TCF12: variants seen among roughly 807,000 people sequenced by gnomAD.
TCF12 encodes the protein transcription factor 12.
TCF12 carries 45 observed loss-of-function variants against 86.0 expected under a neutral mutation model. The ratio of observed to expected loss-of-function variants is 0.52; its 90% CI spans 0.41 to 0.67. TCF12 has a LOEUF of 0.67. TCF12 is among the 30% of genes least tolerant of loss of function. The pLI is 0.00. For missense variants in TCF12, 881 were observed against 859.9 expected, an observed-to-expected ratio of 1.02 and a Z score of -0.31; for synonymous variants, 330 against 299.6, an observed-to-expected ratio of 1.10 and a Z score of -1.05.
chr15:57,150,613 T>C (rs73415456), intron 5 of TCF12, among the ~76,000 whole-genome samples: 7,818 of 152,036 alleles, frequency 0.051, 363 homozygotes, highest in African/African-American at 0.13. Context: ...ACTTAAAAAT[T>C]ACTAGCATGA....
chr15:57,163,942 G>A (rs1412164201), intron 5 of TCF12, among the ~76,000 whole-genome samples: 2 of 152,002 alleles, frequency 1.3e-5, no homozygotes, highest in East Asian at 1.9e-4. Flanking sequence ...TGGCAGGTCC[G>A]GTTTCTAAAT....
intron 5 of TCF12, among the ~76,000 whole-genome samples, chr15:57,145,310 G>A (rs1399245905): frequency 6.6e-6 from 1 of 152,100 alleles, no homozygotes; most frequent in Admixed American, 6.5e-5. Context: ...CTGAATCTTA[G>A]CAGTGTGCTC....
At position 56,982,720 on chromosome 15, in the gene TCF12, TCTCTCCTAGTGATTTAAATTGGTTTAA is replaced by T. The variant is rs745915773; in HGVS notation, c.148+61623_148+61649del. Among the ~76,000 whole-genome samples the T allele has an allele frequency of 5.9e-5, 9 of 152,222 alleles. 1 individual carries two copies. The highest frequency in any genetic ancestry group is 1.0e-4 in the Non-Finnish European group (7 of 68,020). ...GTAGAAAATAGATTAAATAGAATCTTCTCTCCTAGTGATTTAAATTGGTTTAATTAAAAACAAATTCTATATCTGCAA... is the reference window on the plus strand; with the variant it reads ...GTAGAAAATAGATTAAATAGAATCTTTTAAAAACAAATTCTATATCTGCAA... On this transcript the variant is annotated intron_variant, in intron 3 of 20. Coordinates refer to ENST00000333725, the MANE Select transcript of TCF12 (RefSeq NM_207037.2).
Position 57,078,366 on chromosome 15 carries a change from A to C in TCF12, c.223-13423A>C, listed in dbSNP as rs536673289. Among the ~76,000 whole-genome samples the C allele has an allele frequency of 4.6e-4, 70 of 152,306 alleles. 1 individual carries two copies. In the South Asian group the frequency reaches 0.014, roughly 31 times the overall value. ...TGTCCCCTAGACTACTAGGGAGTCC[A>C]ATGGTACTAATCAAACCTTGGAAGC... On this transcript the variant is annotated intron_variant, in intron 4 of 20. Coordinates refer to ENST00000333725, the MANE Select transcript of TCF12 (RefSeq NM_207037.2).
chr15:56,998,630 A>G (rs2063843923), intron 3 of TCF12, among the ~76,000 whole-genome samples: 1 of 152,136 alleles, frequency 6.6e-6, no homozygotes, highest in Non-Finnish European at 1.5e-5. Context: ...AATAGATAGA[A>G]CTAGTAGACA....
intron 3 of TCF12, among the ~76,000 whole-genome samples, chr15:56,989,199 G>A (rs1395445395): frequency 6.6e-6 from 1 of 151,984 alleles, no homozygotes; most frequent in African/African-American, 2.4e-5. Flanking sequence ...TTTAACATTA[G>A]AAAAAATATT....
At chr15:56,944,322 T>G (rs2060903506) in intron 3 of TCF12, among the ~76,000 whole-genome samples, 1 of 152,202 alleles carries the variant, frequency 6.6e-6, no homozygotes, top group African/African-American at 2.4e-5. Context: ...CAGAATTAAG[T>G]GATTGAGACT....
chr15:57,193,932 A>T (rs1056160511), intron 7 of TCF12, among the ~76,000 whole-genome samples: 1 of 152,298 alleles, frequency 6.6e-6, no homozygotes, highest in South Asian at 2.1e-4. Context: ...TAAATTGTAA[A>T]TGCATTTTTC....
At chr15:56,961,126 C>CA (rs35067646) in intron 3 of TCF12, among the ~76,000 whole-genome samples, 75 of 136,254 alleles carry the variant, frequency 5.5e-4, no homozygotes, top group African/African-American at 1.7e-3. Flanking sequence ...AACTCTGTCT[C>CA]AAAAAAAAAA....
chr15:57,025,967 A>C (rs1296461327), intron 3 of TCF12, among the ~76,000 whole-genome samples: 1 of 152,230 alleles, frequency 6.6e-6, no homozygotes, highest in African/African-American at 2.4e-5. Flanking sequence ...TTCTTGTAGG[A>C]ACAGTTAAAA....
At chr15:57,056,781 T>C (rs1375786436) in intron 3 of TCF12, among the ~76,000 whole-genome samples, 1 of 150,790 alleles carries the variant, frequency 6.6e-6, no homozygotes, top group Non-Finnish European at 1.5e-5. Flanking sequence ...TTTTTAATGT[T>C]TTCTTTTTCT....
chr15:57,089,050 TTGAAG>T, intron 4 of TCF12, among the ~76,000 whole-genome samples: 1 of 152,308 alleles, frequency 6.6e-6, no homozygotes, highest in East Asian at 1.9e-4. Context: ...CCCCCAGTCC[TTGAAG>T]TGAAGTTTTG....
At chr15:57,232,142 A>T (rs954955793) in intron 9 of TCF12, 149 bp from the exon 10 acceptor site, 19 of 717,440 alleles carry the variant, frequency 2.6e-5, no homozygotes, top group Non-Finnish European at 3.3e-5. Context: ...GTAATTTTAC[A>T]GTTTAGAGGG....
intron 9 of TCF12, 142 bp downstream of exon 9, chr15:57,231,399 A>G: frequency 1.6e-6 from 1 of 618,716 alleles, no homozygotes; most frequent in East Asian, 2.8e-5. Context: ...TAGCTTTATA[A>G]TTTTCCAGTG....
intron 3 of TCF12, among the ~76,000 whole-genome samples, chr15:56,950,669 T>A (rs1204076344): frequency 6.6e-6 from 1 of 152,100 alleles, no homozygotes; most frequent in Admixed American, 6.6e-5. Flanking sequence ...CACAATTTGT[T>A]TATTTCCTCT....
chr15:57,051,535 G>C (rs1399850792), intron 3 of TCF12, among the ~76,000 whole-genome samples: 8 of 151,718 alleles, frequency 5.3e-5, no homozygotes, highest in African/African-American at 1.7e-4. Context: ...TGTTGCCCAG[G>C]CTGTCTCGAA....
chr15:57,284,693 G>C (rs73417444), intron 20 of TCF12, among the ~76,000 whole-genome samples: 4,032 of 152,304 alleles, frequency 0.026, 172 homozygotes, highest in African/African-American at 0.093. Context: ...ACTTCTCTTG[G>C]AGCCTGTGTC....
chr15:57,228,918 C>T (rs1279673899), intron 8 of TCF12, among the ~76,000 whole-genome samples: 1 of 151,896 alleles, frequency 6.6e-6, no homozygotes, highest in Admixed American at 6.6e-5. Flanking sequence ...GACTGACTTA[C>T]TGTTTCAGTC....
intron 3 of TCF12, among the ~76,000 whole-genome samples, chr15:56,990,265 G>C (rs1595992135): frequency 1.3e-5 from 2 of 148,790 alleles, no homozygotes; most frequent in East Asian, 4.0e-4. Flanking sequence ...GCGTGTGTGT[G>C]TGTGTGTGAA....
Sources: gnomAD v4.1 joint callset for allele counts (sites outside exome capture counted in the v4.1 genomes callset) on GRCh38, gnomAD v4.1.1 for gene constraint, MANE v1.5 for transcripts, NCBI Gene and HGNC (gene_info 2026-07-23, HGNC 2026-07-21) for gene names.